NLRP11: variants seen among roughly 807,000 people sequenced by gnomAD.
NLRP11 encodes the protein NLR family pyrin domain containing 11, also known as NACHT, LRR and PYD domains-containing protein 11.
Under a neutral mutation model 79.3 loss-of-function variants are expected in NLRP11, and 53 were observed. That is an observed-to-expected ratio of 0.67 (90% confidence interval 0.54 to 0.84). The LOEUF is 0.84. NLRP11 is among the 40% of genes least tolerant of loss of function. The pLI, the probability that NLRP11 is intolerant of heterozygous loss-of-function variation, is 0.00. For missense variants in NLRP11, 1,264 were observed against 1,255.0 expected, an observed-to-expected ratio of 1.01 and a Z score of -0.11; for synonymous variants, 518 against 462.6, an observed-to-expected ratio of 1.12 and a Z score of -1.54.
At chr19:55,822,718 G>A (rs1245091779) in intron 1 of NLRP11, among the ~76,000 whole-genome samples, 1 of 152,134 alleles carries the variant, frequency 6.6e-6, no homozygotes, top group Admixed American at 6.5e-5. Flanking sequence ...CTTAAAAAAC[G>A]GCGCACCATG....
chr19:55,828,877 G>A (rs1016638382), intron 1 of NLRP11, among the ~76,000 whole-genome samples: 1 of 150,430 alleles, frequency 6.6e-6, no homozygotes, highest in Non-Finnish European at 1.5e-5. Flanking sequence ...TCTGACCTTT[G>A]AAGAAAAATA....
intron 2 of NLRP11, among the ~76,000 whole-genome samples, chr19:55,816,635 T>G (rs1981141110): frequency 6.6e-6 from 1 of 152,118 alleles, no homozygotes; most frequent in African/African-American, 2.4e-5. Flanking sequence ...CCCCTACATT[T>G]CTGTAGCTGG....
chr19:55,818,821 T>C (rs1254952920), intron 1 of NLRP11, among the ~76,000 whole-genome samples: 1 of 152,114 alleles, frequency 6.6e-6, no homozygotes, highest in Non-Finnish European at 1.5e-5. Context: ...GTCTTGTTAG[T>C]ATATAAATGA....
chr19:55,829,965 T>C (rs974314094), intron 1 of NLRP11, among the ~76,000 whole-genome samples: 1 of 152,168 alleles, frequency 6.6e-6, no homozygotes, highest in Non-Finnish European at 1.5e-5. Context: ...TCATGACATA[T>C]CTGACTTTAA....
chr19:55,818,369 CTTT>C, intron 1 of NLRP11, 133 bp from the exon 2 acceptor site: 1 of 575,288 alleles, frequency 1.7e-6, no homozygotes, highest in Non-Finnish European at 3.1e-6. Flanking sequence ...AGTCTGAACT[CTTT>C]CTGTCTGGGT....
chr19:55,795,340 T>TA (rs1169291267), intron 6 of NLRP11, among the ~76,000 whole-genome samples: 3 of 151,734 alleles, frequency 2.0e-5, no homozygotes, highest in Non-Finnish European at 2.9e-5. Context: ...AACCTTTCCT[T>TA]TGCTTTCGTC....
chr19:55,821,798 A>T (rs1981768144), intron 1 of NLRP11, among the ~76,000 whole-genome samples: 1 of 151,994 alleles, frequency 6.6e-6, no homozygotes, highest in Non-Finnish European at 1.5e-5. Flanking sequence ...ATTGTTAGTG[A>T]TGGGAGAACT....
intron 2 of NLRP11, among the ~76,000 whole-genome samples, chr19:55,816,506 T>C (rs73935409): frequency 0.011 from 1,725 of 152,272 alleles, 29 homozygotes; most frequent in African/African-American, 0.039. Context: ...AGGTTTTCAA[T>C]TGGAATACAT....
intron 6 of NLRP11, 55 bp from the exon 7 acceptor site, chr19:55,792,526 C>G: frequency 2.1e-6 from 3 of 1,452,824 alleles, no homozygotes; most frequent in South Asian, 2.3e-5. Context: ...GAGGGGAGCA[C>G]CTGAGACCAC....
chr19:55,835,245 A>G (rs1001383271), upstream of NLRP11, among the ~76,000 whole-genome samples: 4 of 152,274 alleles, frequency 2.6e-5, no homozygotes, highest in African/African-American at 9.6e-5. Context: ...GATAGCTCCT[A>G]GGACACTGAG....
At chr19:55,820,738 A>T (rs546827459) in intron 1 of NLRP11, among the ~76,000 whole-genome samples, 6 of 152,216 alleles carry the variant, frequency 3.9e-5, no homozygotes, top group Non-Finnish European at 7.3e-5. Context: ...TGAAGCCATA[A>T]AGATTGGTTT....
At chr19:55,821,596 C>T (rs1981743379) in intron 1 of NLRP11, among the ~76,000 whole-genome samples, 1 of 152,200 alleles carries the variant, frequency 6.6e-6, no homozygotes, top group African/African-American at 2.4e-5. Flanking sequence ...CATCTCTTAC[C>T]TTGCAGCAGG....
chr19:55,809,575 C>T lies in NLRP11; in HGVS notation c.1035G>A (p.Thr345=), dbSNP rs761512065. Residue 345 remains threonine, a synonymous_variant, in exon 3 of 10, where the codon ACG becomes ACA. Coordinates refer to ENST00000589093, the Ensembl canonical transcript of NLRP11. This position sits in a 1 kb window ranked among gnomAD's most constrained non-coding sequence, Gnocchi z 4.5. The stretch of plus-strand genomic sequence containing the variant: ...CCATCTGCCGCTTCAGGACAGTACA[C>T]GTGATCCAGCATAAGATGGCGACTC... 2.5e-6 allele frequency: 4 copies of T among 1,614,070 alleles called. No homozygotes were observed. The highest frequency in any genetic ancestry group is 1.1e-5 in the South Asian group (1 of 91,086).
intron 2 of NLRP11, 67 bp downstream of exon 2, chr19:55,817,837 A>G (rs80152879): frequency 1.6e-6 from 2 of 1,214,216 alleles, no homozygotes; most frequent in South Asian, 1.6e-5. Flanking sequence ...AAAAAAAAAA[A>G]GGCCCAACAC....
intron 9 of NLRP11, among the ~76,000 whole-genome samples, chr19:55,788,582 T>G (rs1257153427): frequency 6.6e-6 from 1 of 150,520 alleles, no homozygotes; most frequent in African/African-American, 2.4e-5. Flanking sequence ...CTACTAAAAA[T>G]AGAAAAAATT....
intron 2 of NLRP11, among the ~76,000 whole-genome samples, chr19:55,813,724 A>G (rs1980824492): frequency 6.6e-6 from 1 of 152,074 alleles, no homozygotes; most frequent in African/African-American, 2.4e-5. Flanking sequence ...AAGGATTTCT[A>G]TTTTCTCAGG....
chr19:55,809,503 T>A lies in NLRP11; in HGVS notation c.1107A>T (p.Leu369=). 6.2e-7 allele frequency: 1 copy of A among 1,614,130 alleles called. No homozygotes were observed. The highest frequency in any genetic ancestry group is 8.5e-7 in the Non-Finnish European group (1 of 1,180,036). ...ACGCATCAGCAAGAAAGTGGGCATG[T>A]AGATCAGTGGGTGTTTGGCAGCAGA... Residue 369 remains leucine, a synonymous_variant, in exon 3 of 10, where the codon CTA becomes CTT. Coordinates refer to ENST00000589093, the Ensembl canonical transcript of NLRP11. The surrounding 1 kb of genome is among the most constrained non-coding windows in gnomAD (Gnocchi z 4.5).
At chr19:55,797,249 T>C (rs889507605) in intron 5 of NLRP11, among the ~76,000 whole-genome samples, 6 of 152,048 alleles carry the variant, frequency 3.9e-5, no homozygotes, top group Non-Finnish European at 8.8e-5. Context: ...CAGTGAGCTA[T>C]GATCATACCA....
upstream of NLRP11, among the ~76,000 whole-genome samples, chr19:55,835,234 G>C (rs1414349215): frequency 6.6e-6 from 1 of 152,336 alleles, no homozygotes; most frequent in East Asian, 1.9e-4. Flanking sequence ...GATTGTAAAA[G>C]GATAGCTCCT....
Sources: allele counts gnomAD v4.1 joint callset (sites outside exome capture counted in the v4.1 genomes callset), GRCh38; gene constraint gnomAD v4.1.1; non-coding constraint Gnocchi (gnomAD v3.1); transcripts MANE v1.5; gene names NCBI Gene and HGNC (gene_info 2026-07-23, HGNC 2026-07-21).